The following KCTD14 variants were observed in gnomAD, a reference collection of about 807,000 sequenced individuals.
The protein encoded by KCTD14 is potassium channel tetramerization domain containing 14, also known as BTB/POZ domain-containing protein KCTD14.
Under a neutral mutation model 5.9 loss-of-function variants are expected in KCTD14, and 7 were observed. That is an observed-to-expected ratio of 1.19 (90% CI 0.68 to 2.23). KCTD14 has a LOEUF of 2.23. Among genes scored for constraint, KCTD14 ranks in the 30% most tolerant of loss-of-function variants. The pLI, the probability that KCTD14 is intolerant of heterozygous loss-of-function variation, is 0.00. For missense variants in KCTD14, 342 were observed against 332.2 expected (o/e 1.03, Z -0.23); for synonymous variants, 140 against 133.1 (o/e 1.05, Z -0.36).
At chr11:78,018,425 G>T (rs958926394) in intron 1 of KCTD14, among the ~76,000 whole-genome samples, 3 of 152,088 alleles carry the variant, frequency 2.0e-5, no homozygotes, top group Non-Finnish European at 4.4e-5. Context: ...TTTAAGTAAA[G>T]GCCGGGCATG....
At chr11:78,043,465 CAATT>C (rs921298572) in intron 1 of KCTD14, among the ~76,000 whole-genome samples, 2 of 152,126 alleles carry the variant, frequency 1.3e-5, no homozygotes, top group Non-Finnish European at 2.9e-5. Flanking sequence ...TCGTATGAAA[CAATT>C]AAACATACTC....
chr11:78,019,882 C>T (rs921175915), intron 1 of KCTD14, among the ~76,000 whole-genome samples: 1 of 152,170 alleles, frequency 6.6e-6, no homozygotes, highest in Admixed American at 6.5e-5. Context: ...AACTCAGGTC[C>T]GTTTTACTCC....
chr11:78,021,877 A>C (rs1857320207), intron 1 of KCTD14, among the ~76,000 whole-genome samples: 1 of 152,186 alleles, frequency 6.6e-6, no homozygotes, highest in Non-Finnish European at 1.5e-5. Context: ...ATCAACTACC[A>C]GAACTGCCTG....
chr11:78,017,522 A>G (rs12281090), intron 1 of KCTD14, among the ~76,000 whole-genome samples: 4,341 of 147,980 alleles, frequency 0.029, 213 homozygotes, highest in African/African-American at 0.1. Context: ...ATCTCGGCTC[A>G]CTGCAACTTC....
chr11:78,028,112 A>G (rs187472170), upstream of KCTD14, among the ~76,000 whole-genome samples: 5 of 152,140 alleles, frequency 3.3e-5, no homozygotes, highest in East Asian at 9.7e-4. Context: ...TTTTTTGTTT[A>G]TAGTACCGAG....
At chr11:78,018,580 G>A (rs1468800844) in intron 1 of KCTD14, among the ~76,000 whole-genome samples, 1 of 151,852 alleles carries the variant, frequency 6.6e-6, no homozygotes, top group Non-Finnish European at 1.5e-5. Context: ...GGTGGCACGT[G>A]CCTATAGTCC....
intron 1 of KCTD14, among the ~76,000 whole-genome samples, chr11:78,044,899 T>G (rs1858092891): frequency 6.6e-6 from 1 of 152,166 alleles, no homozygotes; most frequent in South Asian, 2.1e-4. Flanking sequence ...CCTTGATATT[T>G]CCTTGGTGTG....
chr11:78,038,255 C>T (rs969101711), intron 2 of KCTD14, among the ~76,000 whole-genome samples: 1 of 152,208 alleles, frequency 6.6e-6, no homozygotes, highest in African/African-American at 2.4e-5. Flanking sequence ...CCTGCCTTCT[C>T]TGAGACATCT....
chr11:78,026,721 A>T (rs1857475641), upstream of KCTD14, among the ~76,000 whole-genome samples: 1 of 152,090 alleles, frequency 6.6e-6, no homozygotes, highest in East Asian at 1.9e-4. Context: ...GTCACCTATG[A>T]TCACACCACT....
At chr11:78,025,579 A>G (rs1382698154), upstream of KCTD14, among the ~76,000 whole-genome samples, 1 of 152,158 alleles carries the variant, frequency 6.6e-6, no homozygotes, top group Non-Finnish European at 1.5e-5. Flanking sequence ...TATGTTTGCA[A>G]ATCCAGCAAG....
chr11:78,041,022 C>G (rs879381277), intron 1 of KCTD14, among the ~76,000 whole-genome samples: 1 of 152,166 alleles, frequency 6.6e-6, no homozygotes, highest in Non-Finnish European at 1.5e-5. Flanking sequence ...AAGGACAAAG[C>G]TAACAGATCT....
At position 78,016,433 on chromosome 11, in the gene KCTD14, G is replaced by T; in HGVS notation, c.*160C>A. 1.6e-6 allele frequency: 1 copy of T among 638,760 alleles called. No individual in the cohort carries two copies. The highest frequency in any genetic ancestry group is 2.7e-6 in the Non-Finnish European group (1 of 372,266). The allele number at this position is 638,760 out of a possible 1,614,324, so 39.6% of individuals were successfully genotyped here. ...ATATAGTGGCATCAGTTGCAATGGA[G>T]TGGAAAGTCCTTAAACGAGTGATCA... On this transcript the variant is annotated 3_prime_UTR_variant, in exon 2 of 2. Coordinates refer to ENST00000353172, the MANE Select transcript of KCTD14 (RefSeq NM_023930.4).
chr11:78,017,699 C>T (rs1158468683), intron 1 of KCTD14, among the ~76,000 whole-genome samples: 1 of 152,092 alleles, frequency 6.6e-6, no homozygotes, highest in Non-Finnish European at 1.5e-5. Context: ...CCTGCCTCAG[C>T]CTCCCACAGT....
upstream of KCTD14, among the ~76,000 whole-genome samples, chr11:78,024,431 CACACACACACACACATAT>C (rs1322824493): frequency 1.5e-5 from 1 of 66,448 alleles, no homozygotes; most frequent in Non-Finnish European, 3.7e-5. Flanking sequence ...CACACACACA[CACACACACACACACATAT>C]ATATATATAT....
chr11:78,038,316 G>C (rs188938016), intron 2 of KCTD14, among the ~76,000 whole-genome samples: 3 of 152,262 alleles, frequency 2.0e-5, no homozygotes, highest in Non-Finnish European at 2.9e-5. Flanking sequence ...AGAGGTTCTC[G>C]CATCCTCTCC....
intron 1 of KCTD14, among the ~76,000 whole-genome samples, chr11:78,040,812 G>A (rs1459629484): frequency 1.3e-5 from 2 of 152,058 alleles, no homozygotes; most frequent in African/African-American, 4.8e-5. Flanking sequence ...TAGGACTACA[G>A]GTACGCATCA....
chr11:78,038,528 A>AC, intron 2 of KCTD14: 2 of 995,218 alleles, frequency 2.0e-6, no homozygotes, highest in South Asian at 3.2e-5. Context: ...AATCAACCGC[A>AC]CCCCATCTGG....
intron 2 of KCTD14, among the ~76,000 whole-genome samples, chr11:78,031,972 A>G (rs546883987): frequency 1.3e-5 from 2 of 152,320 alleles, no homozygotes; most frequent in East Asian, 3.9e-4. Flanking sequence ...TGGTGAACCA[A>G]TGTGTCCTCC....
At chr11:78,024,787 T>C (rs1435846791), upstream of KCTD14, among the ~76,000 whole-genome samples, 5 of 151,130 alleles carry the variant, frequency 3.3e-5, no homozygotes, top group Non-Finnish European at 7.4e-5. Context: ...CTCTACAAAA[T>C]ACAAAAAATT....
Sources: allele counts gnomAD v4.1 joint callset (sites outside exome capture counted in the v4.1 genomes callset), GRCh38; gene constraint gnomAD v4.1.1; transcripts MANE v1.5; gene names NCBI Gene and HGNC (gene_info 2026-07-23, HGNC 2026-07-21).